The following DCAF5 variants were observed in gnomAD, a reference collection of about 807,000 sequenced individuals.
The protein encoded by DCAF5 is DDB1- and CUL4-associated factor 5.
A neutral mutation model predicts 80.7 loss-of-function variants in DCAF5; 9 were observed. The ratio of observed to expected loss-of-function variants is 0.11; its 90% CI spans 0.07 to 0.19. The LOEUF is 0.19. Among genes scored for constraint, DCAF5 ranks in the 10% least tolerant of loss-of-function variants. The pLI, the probability that DCAF5 is intolerant of heterozygous loss-of-function variation, is 1.00. For missense variants in DCAF5, 842 were observed against 1,205.7 expected, an observed-to-expected ratio of 0.70 and a Z score of 4.47; for synonymous variants, 433 against 461.9, an observed-to-expected ratio of 0.94 and a Z score of 0.80.
At chr14:69,126,174 C>T (rs1487319642) in intron 1 of DCAF5, among the ~76,000 whole-genome samples, 55 of 144,340 alleles carry the variant, frequency 3.8e-4, no homozygotes, top group Admixed American at 3.7e-3. Flanking sequence ...TTTTTTTAGA[C>T]GGAGTTTCAC....
chr14:69,131,770 T>TC, intron 1 of DCAF5, among the ~76,000 whole-genome samples: 1 of 151,814 alleles, frequency 6.6e-6, no homozygotes, highest in Non-Finnish European at 1.5e-5. Context: ...TTTTTTTTTT[T>TC]TTTTAATGAT....
intron 7 of DCAF5, among the ~76,000 whole-genome samples, chr14:69,065,972 T>C (rs2038420588): frequency 6.6e-6 from 1 of 152,064 alleles, no homozygotes; most frequent in Non-Finnish European, 1.5e-5. Flanking sequence ...CTGAACTAAG[T>C]CCTGACTGAA....
intron 1 of DCAF5, among the ~76,000 whole-genome samples, chr14:69,124,555 C>T (rs1433510641): frequency 1.3e-5 from 2 of 152,180 alleles, no homozygotes; most frequent in East Asian, 1.9e-4. Context: ...AAACTGATGT[C>T]TTAAGTGTGG....
chr14:69,054,985 G>A lies in DCAF5; in HGVS notation c.1701C>T (p.Ser567=), dbSNP rs2037901934. Residue 567 remains serine, a synonymous_variant, in exon 9 of 9, where the codon AGC becomes AGT. Coordinates refer to ENST00000341516, the MANE Select transcript of DCAF5 (RefSeq NM_003861.3). ...CATTCAGCTCCTCCTCATCCTCAGA[G>A]CTGCTAGAGCTGCTGGAACTGCTGG... ...DESSSSSSSS[S]SEDEEELNER... is the part of the protein sequence containing the mutation. 5.0e-6 allele frequency: 8 copies of A among 1,614,276 alleles called. No individual in the cohort carries two copies. The highest frequency in any genetic ancestry group is 6.8e-6 in the Non-Finnish European group (8 of 1,180,050).
rs140087222 is a variant in DCAF5, at chr14:69,136,979, A to G, written c.215-14619T>C. On this transcript the variant is annotated intron_variant, in intron 1 of 8. Coordinates refer to ENST00000341516, the MANE Select transcript of DCAF5 (RefSeq NM_003861.3). ...ATGTATGTATACTAAATGTGTATCAAAAAGGCTACATGTTCCAAATATTAA... is the reference window on the plus strand; with the variant it reads ...ATGTATGTATACTAAATGTGTATCAGAAAGGCTACATGTTCCAAATATTAA... 8.0e-3 allele frequency among the ~76,000 whole-genome samples: 1,218 copies of G among 152,360 alleles called. 12 individuals carry two copies. Among genetic ancestry groups the G allele is most frequent in the African/African-American group, 0.027 (1,126 of 41,586 alleles).
rs1279313328 is a variant in DCAF5 at position 69,122,374 on chromosome 14, T to C, written c.215-14A>G. ...GGTCATCTCCTCCTTAAGAAGGAAA[T>C]AAGAATCTGTGCTTAAAACAGCTGA... On this transcript the variant is annotated splice_polypyrimidine_tract_variant and intron_variant, in intron 1 of 8. Coordinates refer to ENST00000341516, the MANE Select transcript of DCAF5 (RefSeq NM_003861.3). 6.2e-7 allele frequency: 1 copy of C among 1,604,816 alleles called. No homozygotes were observed. The highest frequency in any genetic ancestry group is 2.2e-5 in the East Asian group (1 of 44,694).
intron 7 of DCAF5, among the ~76,000 whole-genome samples, chr14:69,063,046 A>T (rs1194651564): frequency 6.6e-6 from 1 of 152,254 alleles, no homozygotes; most frequent in Non-Finnish European, 1.5e-5. Context: ...GAAATAATAG[A>T]GAGAATACTT....
At chr14:69,081,663 G>A (rs1003884121) in intron 6 of DCAF5, among the ~76,000 whole-genome samples, 1 of 152,058 alleles carries the variant, frequency 6.6e-6, no homozygotes, top group Non-Finnish European at 1.5e-5. Flanking sequence ...CCACCACCAA[G>A]AACAACACTG....
At position 69,145,300 on chromosome 14, in the gene DCAF5, G is replaced by A. The variant is rs184089452; in HGVS notation, c.214+7465C>T. Among the ~76,000 whole-genome samples, 333 of 152,226 alleles carry A rather than the reference G, an allele frequency of 2.2e-3. 3 individuals are homozygous for A. The highest frequency in any genetic ancestry group is 7.5e-3 in the African/African-American group (311 of 41,524). On this transcript the variant is annotated intron_variant, in intron 1 of 8. Coordinates refer to ENST00000341516, the MANE Select transcript of DCAF5 (RefSeq NM_003861.3). ...CCCAAAGTGCTGGGATTACAGGTGT[G>A]AGCTACTGCACCTGGCCTTAATTTA...
At chr14:69,113,389 TC>T (rs1326776654) in intron 5 of DCAF5, among the ~76,000 whole-genome samples, 2 of 152,124 alleles carry the variant, frequency 1.3e-5, no homozygotes, top group East Asian at 3.9e-4. Flanking sequence ...CCTTTTGGAG[TC>T]AAGGGTCTCT....
intron 1 of DCAF5, among the ~76,000 whole-genome samples, chr14:69,130,164 T>G (rs1359032084): frequency 6.6e-6 from 1 of 152,188 alleles, no homozygotes; most frequent in African/African-American, 2.4e-5. Context: ...AGGTAAGGAT[T>G]TGCTTTGGGT....
chr14:69,085,805 TAA>T (rs750520721), intron 6 of DCAF5, among the ~76,000 whole-genome samples: 1 of 152,152 alleles, frequency 6.6e-6, no homozygotes, highest in Non-Finnish European at 1.5e-5. Context: ...ATTCACGCTC[TAA>T]AAAAGACATA....
At chr14:69,102,607 C>CACACACAG (rs2039999349) in intron 5 of DCAF5, among the ~76,000 whole-genome samples, 1 of 147,872 alleles carries the variant, frequency 6.8e-6, no homozygotes, top group Non-Finnish European at 1.5e-5. Context: ...CACACACACA[C>CACACACAG]ACACACACAC....
Position 69,128,296 on chromosome 14 carries a change from CCTGCCTCGG to C in DCAF5, c.215-5945_215-5937del, listed in dbSNP as rs2040935678. On this transcript the variant is annotated intron_variant, in intron 1 of 8. Transcript: ENST00000341516. ...CCACCTCCCAGGTTCAACTGATTAT[CCTGCCTCGG>C]CTCCATGGGTAGCTGGGACTACAGG... Among the ~76,000 whole-genome samples the C allele has an allele frequency of 4.0e-5, 6 of 151,612 alleles. 1 individual carries two copies. The Middle Eastern group carries it at 0.02, about 516-fold the overall frequency.
rs750737328 is a variant in DCAF5, at chr14:69,055,473, C to T, written c.1213G>A (p.Ala405Thr). The change falls in exon 9 of 9, where the codon GCC becomes ACC. Residue 405 changes from alanine (A) to threonine (T), a missense_variant. Around this residue, in one of 5 missense-constraint regions of DCAF5, gnomAD observed 65 missense variants for 191.3 expected, o/e 0.34. Coordinates refer to ENST00000341516, the MANE Select transcript of DCAF5 (RefSeq NM_003861.3). The surrounding 1 kb of genome is among the most constrained non-coding windows in gnomAD (Gnocchi z 5.6). ...NSGSGLSHDY[A>T]NQSVQEDPRM... ...GGGTCTTCCTGGACCGACTGGTTGGCGTAGTCATGCGACAGGCCACTCCCA... is the reference window on the plus strand; with the variant it reads ...GGGTCTTCCTGGACCGACTGGTTGGTGTAGTCATGCGACAGGCCACTCCCA... 3.7e-6 allele frequency: 6 copies of T among 1,613,994 alleles called. No individual in the cohort carries two copies. Among genetic ancestry groups the T allele is most frequent in the Admixed American group, 1.7e-5 (1 of 60,004 alleles).
At chr14:69,092,220 G>A (rs535409813) in intron 5 of DCAF5, among the ~76,000 whole-genome samples, 4 of 152,204 alleles carry the variant, frequency 2.6e-5, no homozygotes, top group East Asian at 3.9e-4. Context: ...AAGCATACTC[G>A]TCAAGACCCT....
intron 5 of DCAF5, among the ~76,000 whole-genome samples, chr14:69,107,064 T>TAATTAAAA (rs3044673): frequency 0.67 from 101,355 of 151,108 alleles, 34,538 homozygotes; most frequent in East Asian, 0.9. Context: ...AATAATTAAA[T>TAATTAAAA]AATTAAATAA....
At chr14:69,091,522 C>T in intron 6 of DCAF5, 152 bp downstream of exon 6, 2 of 717,482 alleles carry the variant, frequency 2.8e-6, no homozygotes, top group Non-Finnish European at 4.6e-6. Context: ...AAGAAACTCA[C>T]TATTATTAAG....
chr14:69,086,072 G>A (rs2039307709), intron 6 of DCAF5, among the ~76,000 whole-genome samples: 1 of 152,134 alleles, frequency 6.6e-6, no homozygotes, highest in Non-Finnish European at 1.5e-5. Flanking sequence ...AAATATAATA[G>A]TGGGCTGGGC....
Sources: gnomAD v4.1 joint callset for allele counts (sites outside exome capture counted in the v4.1 genomes callset) on GRCh38, gnomAD v4.1.1 for gene constraint, gnomAD v4.1.1 regional missense constraint, Gnocchi (gnomAD v3.1) non-coding constraint, MANE v1.5 for transcripts, NCBI Gene and HGNC (gene_info 2026-07-23, HGNC 2026-07-21) for gene names.